ANO6: variants seen among roughly 807,000 people sequenced by gnomAD.
The protein encoded by ANO6 is anoctamin 6.
In ANO6, 106 loss-of-function variants were observed where a neutral mutation model predicts 117.5. The observed-to-expected ratio is 0.90, with a 90% CI of 0.77 to 1.06. The LOEUF (loss-of-function observed/expected upper bound fraction) is 1.06, where lower values mean the gene tolerates loss of function less well. Among genes scored for constraint, ANO6 ranks in the 50% least tolerant of loss-of-function variants. The pLI, the probability that ANO6 is intolerant of heterozygous loss-of-function variation, is 0.00. For synonymous variants in ANO6, 367 were observed against 385.1 expected (o/e 0.95, Z 0.55); for missense variants, 955 against 1,121.1 (o/e 0.85, Z 2.12).
rs144813587 is a variant in ANO6 at position 45,408,941 on chromosome 12, C to T, written c.1881-416C>T. Among the ~76,000 whole-genome samples, 29 of 152,246 alleles carry T rather than the reference C, an allele frequency of 1.9e-4. No homozygotes were observed. In the Middle Eastern group the frequency reaches 0.01, roughly 54 times the overall value. On this transcript the variant is annotated intron_variant, in intron 15 of 19. Coordinates refer to ENST00000320560, the MANE Select transcript of ANO6 (RefSeq NM_001025356.3). ...TCCCTAGACACAAATGCAAGCACTC[C>T]CTGCCCTGCTTAGTTTTCTCCACAG...
chr12:45,364,892 G>A (rs1379313045), intron 8 of ANO6, among the ~76,000 whole-genome samples: 1 of 152,166 alleles, frequency 6.6e-6, no homozygotes. Flanking sequence ...GTATTATAAT[G>A]TAGCAAATCT....
At chr12:45,228,123 GTTTTTTT>G in intron 1 of ANO6, 82 of 283,004 alleles carry the variant, frequency 2.9e-4, no homozygotes, top group East Asian at 1.1e-3. Context: ...TTTTTGTGTT[GTTTTTTT>G]TTTTTTTTTT....
chr12:45,345,997 T>G (rs1278297547), intron 3 of ANO6, among the ~76,000 whole-genome samples: 5 of 98,096 alleles, frequency 5.1e-5, no homozygotes, highest in Non-Finnish European at 5.8e-5. Context: ...GCGGGGGGGT[T>G]AGAAACAAAA....
chr12:45,323,711 G>T (rs1592966221), intron 2 of ANO6, among the ~76,000 whole-genome samples: 1 of 152,092 alleles, frequency 6.6e-6, no homozygotes, highest in Non-Finnish European at 1.5e-5. Flanking sequence ...ATGGCTAGTT[G>T]TACATGGCAT....
chr12:45,355,519 A>G (rs954718785), intron 7 of ANO6, among the ~76,000 whole-genome samples: 3 of 152,074 alleles, frequency 2.0e-5, no homozygotes, highest in Non-Finnish European at 4.4e-5. Flanking sequence ...TCCAGGATGG[A>G]TGGCTGATGA....
chr12:45,332,963 T>C (rs1426366302), intron 3 of ANO6, among the ~76,000 whole-genome samples: 2 of 152,006 alleles, frequency 1.3e-5, no homozygotes, highest in East Asian at 3.9e-4. Context: ...AAATCAATTT[T>C]TTTTTTCTTT....
At chr12:45,364,372 T>C (rs1487970757) in intron 8 of ANO6, among the ~76,000 whole-genome samples, 2 of 152,242 alleles carry the variant, frequency 1.3e-5, no homozygotes, top group East Asian at 3.8e-4. Flanking sequence ...TTTTCAGCCA[T>C]TGATTCTTCA....
intron 1 of ANO6, among the ~76,000 whole-genome samples, chr12:45,270,035 A>C (rs545531704): frequency 6.6e-6 from 1 of 152,304 alleles, no homozygotes; most frequent in African/African-American, 2.4e-5. Context: ...TGGGATTTCT[A>C]AAAGCTCCCA....
intron 15 of ANO6, among the ~76,000 whole-genome samples, chr12:45,405,310 G>T (rs756041637): frequency 6.6e-6 from 1 of 152,034 alleles, no homozygotes; most frequent in Admixed American, 6.6e-5. Context: ...ACTATGTTTC[G>T]GTAACATTGG....
At chr12:45,286,890 C>T (rs997838281) in intron 1 of ANO6, among the ~76,000 whole-genome samples, 2 of 152,218 alleles carry the variant, frequency 1.3e-5, no homozygotes, top group African/African-American at 2.4e-5. Flanking sequence ...TCTAAGCTCC[C>T]GTGGTTAGGA....
At chr12:45,388,657 A>G (rs1942364148) in intron 11 of ANO6, among the ~76,000 whole-genome samples, 2 of 152,124 alleles carry the variant, frequency 1.3e-5, no homozygotes, top group Admixed American at 6.5e-5. Flanking sequence ...TTGATTCTCA[A>G]TTTTTCACGT....
At chr12:45,401,742 T>TA in intron 12 of ANO6, 53 bp from the exon 13 acceptor site, 2 of 1,427,000 alleles carry the variant, frequency 1.4e-6, no homozygotes, top group Non-Finnish European at 2.0e-6. Flanking sequence ...TTTTTAATAG[T>TA]ACAAGTGCAG....
At chr12:45,334,969 G>A (rs982785625) in intron 3 of ANO6, among the ~76,000 whole-genome samples, 1 of 151,902 alleles carries the variant, frequency 6.6e-6, no homozygotes, top group South Asian at 2.1e-4. Context: ...TAGTGACCAA[G>A]TAATGGTACA....
Position 45,431,192 on chromosome 12 carries a change from G to T in ANO6, c.*1881G>T. On this transcript the variant is annotated 3_prime_UTR_variant, in exon 20 of 20. Coordinates refer to ENST00000320560, the MANE Select transcript of ANO6 (RefSeq NM_001025356.3). The stretch of plus-strand genomic sequence containing the variant: ...AAGACAGGCCCCATGAAGTCTGACT[G>T]CACTGGGATGGAGAAATGAATTTCT... 1.0e-6 allele frequency: 1 copy of T among 985,334 alleles called. No homozygotes were observed. The allele number at this position is 985,334 out of a possible 1,614,324, so 61.0% of individuals were successfully genotyped here. A position where few individuals can be genotyped will look rare whatever the true frequency, so the allele number is the denominator to read the frequency against.
rs551168738 is a variant in ANO6, at chr12:45,382,199, G to T, written c.1165+4086G>T. Among the ~76,000 whole-genome samples, 38 of 152,264 alleles carry T rather than the reference G, an allele frequency of 2.5e-4. No individual in the cohort carries two copies. In the South Asian group the frequency reaches 5.2e-3, roughly 21 times the overall value. ...ACATAATTGCATTATTTTTGGTGCT[G>T]TGAAAAAAATGAGAATGGGTTAGAA... On this transcript the variant is annotated intron_variant, in intron 10 of 19. Coordinates refer to ENST00000320560, the MANE Select transcript of ANO6 (RefSeq NM_001025356.3).
At chr12:45,335,491 A>G (rs1940798603) in intron 3 of ANO6, 1 of 151,978 alleles carries the variant, frequency 6.6e-6, no homozygotes, top group South Asian at 2.1e-4. Flanking sequence ...CTATCCTTTA[A>G]GTAAAGCTTT....
At chr12:45,315,983 C>G (rs1034068329) in intron 2 of ANO6, among the ~76,000 whole-genome samples, 21 of 152,042 alleles carry the variant, frequency 1.4e-4, no homozygotes, top group Admixed American at 9.2e-4. Context: ...TCATAGTCTT[C>G]CCATTACCAC....
intron 18 of ANO6, among the ~76,000 whole-genome samples, chr12:45,422,328 TATG>T (rs992824520): frequency 6.6e-6 from 1 of 152,134 alleles, no homozygotes; most frequent in East Asian, 1.9e-4. Context: ...AATTTATAAA[TATG>T]ATCCCCAAAA....
chr12:45,420,928 G>C (rs1943342941), intron 17 of ANO6, 143 bp from the exon 18 acceptor site: 1 of 835,062 alleles, frequency 1.2e-6, no homozygotes, highest in Admixed American at 2.0e-5. Flanking sequence ...AGGAGGCTGA[G>C]GCAGGAGAAT....
Sources: gnomAD v4.1 joint callset for allele counts (sites outside exome capture counted in the v4.1 genomes callset) on GRCh38, gnomAD v4.1.1 for gene constraint, MANE v1.5 for transcripts, NCBI Gene and HGNC (gene_info 2026-07-23, HGNC 2026-07-21) for gene names.